The following CNTN5 variants were observed in gnomAD, a reference collection of about 807,000 sequenced individuals.
The protein encoded by CNTN5 is contactin-5.
Under a neutral mutation model 129.1 loss-of-function variants are expected in CNTN5, and 77 were observed. That is an observed-to-expected ratio of 0.60 (90% CI 0.50 to 0.72). The LOEUF (loss-of-function observed/expected upper bound fraction) is 0.72. Ranked by LOEUF, CNTN5 falls within the 30% of genes least tolerant of loss-of-function variation. The pLI, the probability that CNTN5 is intolerant of heterozygous loss-of-function variation, is 0.00. For missense variants in CNTN5, 1,478 were observed against 1,328.8 expected, an observed-to-expected ratio of 1.11 and a Z score of -1.75; for synonymous variants, 509 against 465.6, an observed-to-expected ratio of 1.09 and a Z score of -1.20.
intron 1 of CNTN5, among the ~76,000 whole-genome samples, chr11:99,150,212 T>G (rs907306605): frequency 6.6e-6 from 1 of 152,058 alleles, no homozygotes; most frequent in Non-Finnish European, 1.5e-5. Flanking sequence ...CACAAATGAC[T>G]GTAATTTTTA....
chr11:100,066,989 A>G (rs2137840257), intron 10 of CNTN5, among the ~76,000 whole-genome samples: 1 of 152,154 alleles, frequency 6.6e-6, no homozygotes, highest in Non-Finnish European at 1.5e-5. Context: ...TTCAGTTTTT[A>G]ATGTTTTATT....
At chr11:99,701,151 A>G (rs188857706) in intron 3 of CNTN5, among the ~76,000 whole-genome samples, 1 of 151,404 alleles carries the variant, frequency 6.6e-6, no homozygotes, top group Non-Finnish European at 1.5e-5. Context: ...ATGGAAATCA[A>G]AAGCAAAGTC....
chr11:99,954,602 C>G (rs1404699649), intron 7 of CNTN5, among the ~76,000 whole-genome samples: 4 of 151,882 alleles, frequency 2.6e-5, no homozygotes, highest in African/African-American at 9.7e-5. Context: ...CAATGTAATA[C>G]TAAAAATAAT....
chr11:99,728,496 T>A (rs1469204711), intron 3 of CNTN5, among the ~76,000 whole-genome samples: 5 of 152,230 alleles, frequency 3.3e-5, no homozygotes, highest in Non-Finnish European at 7.3e-5. Context: ...TGTTTCTAAA[T>A]TTTTCAGGGT....
At chr11:99,636,214 T>C in intron 3 of CNTN5, among the ~76,000 whole-genome samples, 1 of 152,244 alleles carries the variant, frequency 6.6e-6, no homozygotes, top group African/African-American at 2.4e-5. Context: ...TCTTTAACTA[T>C]TTTTACATTT....
intron 2 of CNTN5, among the ~76,000 whole-genome samples, chr11:99,462,294 C>A (rs1944730286): frequency 6.6e-6 from 1 of 150,980 alleles, no homozygotes; most frequent in Non-Finnish European, 1.5e-5. Context: ...AAACAAGAAA[C>A]AATGGCAGGA....
chr11:99,818,703 C>T (rs976002877), intron 3 of CNTN5, among the ~76,000 whole-genome samples: 2 of 152,090 alleles, frequency 1.3e-5, no homozygotes, highest in African/African-American at 2.4e-5. Flanking sequence ...GATCCATATA[C>T]TAAACTTATT....
intron 1 of CNTN5, among the ~76,000 whole-genome samples, chr11:99,229,692 C>T (rs1190604004): frequency 6.6e-6 from 1 of 152,138 alleles, no homozygotes; most frequent in Middle Eastern, 3.4e-3. Context: ...GGCCTTCCCC[C>T]AGAGGCACCT....
intron 18 of CNTN5, among the ~76,000 whole-genome samples, chr11:100,274,322 CATG>C (rs572936316): frequency 5.3e-4 from 81 of 152,264 alleles, no homozygotes; most frequent in Middle Eastern, 3.4e-3. Context: ...GCAAAGATTT[CATG>C]ATGAAGATGA....
intron 17 of CNTN5, among the ~76,000 whole-genome samples, chr11:100,259,075 G>C (rs750574221): frequency 6.6e-6 from 1 of 152,058 alleles, no homozygotes; most frequent in Non-Finnish European, 1.5e-5. Context: ...GTCACACATA[G>C]GCTCAAAATA....
At chr11:100,289,522 C>T (rs994970762) in intron 18 of CNTN5, among the ~76,000 whole-genome samples, 5 of 152,076 alleles carry the variant, frequency 3.3e-5, no homozygotes, top group Admixed American at 3.3e-4. Context: ...ATGATTATCT[C>T]AATAGCAGCA....
intron 2 of CNTN5, among the ~76,000 whole-genome samples, chr11:99,549,024 A>G (rs1948392178): frequency 6.6e-6 from 1 of 151,588 alleles, no homozygotes; most frequent in South Asian, 2.1e-4. Context: ...GCTTCCAGCT[A>G]TTGCCTTTCT....
chr11:100,226,130 A>G (rs1289295833), intron 16 of CNTN5, among the ~76,000 whole-genome samples: 1 of 152,078 alleles, frequency 6.6e-6, no homozygotes, highest in African/African-American at 2.4e-5. Flanking sequence ...TAAAGTATTC[A>G]TCCTTTCAAT....
chr11:99,968,656 C>CTCTTTTTTTTTTTTTTTTTT (rs1951161575), intron 8 of CNTN5, among the ~76,000 whole-genome samples: 2 of 73,870 alleles, frequency 2.7e-5, no homozygotes, highest in African/African-American at 4.8e-5. Context: ...GCTTTGGGTA[C>CTCTTTTTTTTTTTTTTTTTT]TTTTTTTTTT....
intron 8 of CNTN5, among the ~76,000 whole-genome samples, chr11:99,989,297 A>C (rs529356316): frequency 2.4e-4 from 36 of 152,260 alleles, no homozygotes; most frequent in Non-Finnish European, 4.1e-4. Context: ...CTTTTTAGTC[A>C]GTAGAGCCAT....
chr11:99,185,946 T>A (rs3958622), intron 1 of CNTN5, among the ~76,000 whole-genome samples: 32 of 71,234 alleles, frequency 4.5e-4, no homozygotes, highest in African/African-American at 7.6e-4. Context: ...CCATCAAAAT[T>A]AAGGAGAGGA....
At chr11:99,485,256 G>GAC (rs1565222456) in intron 2 of CNTN5, among the ~76,000 whole-genome samples, 2 of 151,824 alleles carry the variant, frequency 1.3e-5, no homozygotes, top group Admixed American at 1.3e-4. Context: ...AAAAAAAAGG[G>GAC]AAGTGATTTC....
At chr11:99,853,432 T>C (rs1947938397) in intron 6 of CNTN5, among the ~76,000 whole-genome samples, 2 of 151,908 alleles carry the variant, frequency 1.3e-5, no homozygotes, top group Admixed American at 1.3e-4. Flanking sequence ...GGAGTTTTAC[T>C]CTTGTTACCG....
chr11:99,644,922 G>T (rs1565383043), intron 3 of CNTN5, among the ~76,000 whole-genome samples: 1 of 151,680 alleles, frequency 6.6e-6, no homozygotes, highest in Non-Finnish European at 1.5e-5. Context: ...ATACCTTCCA[G>T]AAACTGTTTC....
Sources: gnomAD v4.1 joint callset for allele counts (sites outside exome capture counted in the v4.1 genomes callset) on GRCh38, gnomAD v4.1.1 for gene constraint, MANE v1.5 for transcripts, NCBI Gene and HGNC (gene_info 2026-07-23, HGNC 2026-07-21) for gene names.